INPP5A: variants seen among roughly 807,000 people sequenced by gnomAD.
INPP5A encodes 43 kDa inositol polyphosphate 5-phophatase.
Under a neutral mutation model 65.2 loss-of-function variants are expected in INPP5A, and 14 were observed. That is an observed-to-expected ratio of 0.21 (90% CI 0.14 to 0.34). The LOEUF is 0.34. Among genes scored for constraint, INPP5A ranks in the 10% least tolerant of loss-of-function variants. INPP5A has a pLI of 1.00. For synonymous variants in INPP5A, 207 were observed against 208.3 expected (o/e 0.99, Z 0.05); for missense variants, 431 against 545.6 (o/e 0.79, Z 2.09).
intron 3 of INPP5A, among the ~76,000 whole-genome samples, chr10:132,647,598 G>A (rs1287881649): frequency 6.6e-6 from 1 of 152,216 alleles, no homozygotes; most frequent in Non-Finnish European, 1.5e-5. Flanking sequence ...AGTGGGGCAG[G>A]TGGCATGACG....
Position 132,777,781 on chromosome 10 carries a change from G to T in INPP5A, c.1088G>T (p.Arg363Leu), listed in dbSNP as rs781024908. The T allele has an allele frequency of 6.2e-7, 1 of 1,612,642 alleles. No individual in the cohort carries two copies. Among genetic ancestry groups the T allele is most frequent in the African/African-American group, 1.3e-5 (1 of 74,924 alleles). ...MSPSAKELVL[R>L]SESEEKVVTY... Reference sequence around the variant, plus strand: ...CCGTCTGCCAAGGAGCTGGTGCTGCGGGTGAGTGTGTGCTGCCCCAGCCCT... The same window carrying T: ...CCGTCTGCCAAGGAGCTGGTGCTGCTGGTGAGTGTGTGCTGCCCCAGCCCT... The change falls in exon 13 of 16, where the codon CGG (arginine) becomes CTG (leucine). Residue 363 changes from arginine (R) to leucine (L), a missense_variant and splice_region_variant. Coordinates refer to ENST00000368594, the MANE Select transcript of INPP5A (RefSeq NM_005539.5).
chr10:132,636,996 A>T (rs7905590), intron 2 of INPP5A, among the ~76,000 whole-genome samples: 137,556 of 152,246 alleles, frequency 0.9, 62,211 homozygotes, highest in East Asian at 1. Context: ...CAGCTCACTG[A>T]AACTTCCGCC....
chr10:132,744,847 G>A (rs1264942295), intron 9 of INPP5A, among the ~76,000 whole-genome samples: 2 of 152,194 alleles, frequency 1.3e-5, no homozygotes, highest in African/African-American at 4.8e-5. Context: ...ATCCACTGAG[G>A]AAGGTTAGGA....
chr10:132,631,441 C>T (rs376407809), intron 2 of INPP5A, among the ~76,000 whole-genome samples: 1 of 152,212 alleles, frequency 6.6e-6, no homozygotes, highest in Non-Finnish European at 1.5e-5. Context: ...GTTTTCCAGG[C>T]GTCGTTGGCA....
intron 1 of INPP5A, among the ~76,000 whole-genome samples, chr10:132,579,536 C>T (rs989268029): frequency 3.3e-5 from 5 of 152,170 alleles, no homozygotes; most frequent in Middle Eastern, 3.4e-3. Context: ...ATGAACTGGG[C>T]TGATGCTTGC....
At chr10:132,628,099 A>T (rs372550447) in intron 2 of INPP5A, among the ~76,000 whole-genome samples, 12 of 152,186 alleles carry the variant, frequency 7.9e-5, no homozygotes, top group Middle Eastern at 3.2e-3. Context: ...ATTAACCGCA[A>T]ACCAGATTCT....
In INPP5A at chr10:132,762,820, G is replaced by A. The variant is rs943773203; in HGVS notation, c.904-2953G>A. Among the ~76,000 whole-genome samples, 8 of 152,090 alleles carry A rather than the reference G, an allele frequency of 5.3e-5. No individual in the cohort carries two copies. The East Asian group carries it at 7.7e-4, about 15-fold the overall frequency. ...AGCCAGGGCAATGTGGCAAGACCCC[G>A]TCTCTACAAAAAATAAAGACTTAGC... On this transcript the variant is annotated intron_variant, in intron 11 of 15. Transcript: ENST00000368594. The surrounding 1 kb of genome is among the most constrained non-coding windows in gnomAD (Gnocchi z 4.6).
At chr10:132,647,920 C>A (rs2072520137) in intron 3 of INPP5A, among the ~76,000 whole-genome samples, 1 of 152,162 alleles carries the variant, frequency 6.6e-6, no homozygotes, top group African/African-American at 2.4e-5. Flanking sequence ...TGAGAGATTT[C>A]TTTTAAAATG....
chr10:132,757,422 T>C (rs1846643770), intron 11 of INPP5A, among the ~76,000 whole-genome samples: 1 of 152,256 alleles, frequency 6.6e-6, no homozygotes, highest in Non-Finnish European at 1.5e-5. Context: ...GATGCGCAGG[T>C]ACTTACAGTG....
rs1403038546 is a variant in INPP5A at position 132,698,742 on chromosome 10, C to T, written c.474+823C>T. On this transcript the variant is annotated intron_variant, in intron 6 of 15. Coordinates refer to ENST00000368594, the MANE Select transcript of INPP5A (RefSeq NM_005539.5). The surrounding 1 kb of genome is among the most constrained non-coding windows in gnomAD (Gnocchi z 5.5). ...GGACGCAGGTTTGGGGGCGTCCAGGCTGTGATATAGGAGCTCTCGTCCGGA... is the reference window on the plus strand; with the variant it reads ...GGACGCAGGTTTGGGGGCGTCCAGGTTGTGATATAGGAGCTCTCGTCCGGA... Among the ~76,000 whole-genome samples the T allele has an allele frequency of 1.3e-5, 2 of 152,188 alleles. No individual in the cohort carries two copies. Among genetic ancestry groups the T allele is most frequent in the African/African-American group, 4.8e-5 (2 of 41,450 alleles).
At chr10:132,670,998 A>G (rs1236660761) in intron 4 of INPP5A, among the ~76,000 whole-genome samples, 2 of 151,992 alleles carry the variant, frequency 1.3e-5, no homozygotes, top group Non-Finnish European at 2.9e-5. Context: ...TAACAGGGCC[A>G]TTAGTGGGAG....
intron 1 of INPP5A, among the ~76,000 whole-genome samples, chr10:132,540,985 C>T (rs980463164): frequency 6.6e-6 from 1 of 152,026 alleles, no homozygotes; most frequent in Admixed American, 6.6e-5. Flanking sequence ...AAGGCCCCTC[C>T]TCCTCCCCCT....
At position 132,707,701 on chromosome 10, in the gene INPP5A, C is replaced by G. The variant is rs945139837; in HGVS notation, c.475-612C>G. ...TGGAATCTCATGCTGTTGACTGTTT[C>G]ACTTGAATTTTGGGGGTACTTTTAG... On this transcript the variant is annotated intron_variant, in intron 6 of 15. Coordinates refer to ENST00000368594, the MANE Select transcript of INPP5A (RefSeq NM_005539.5). This position sits in a 1 kb window ranked among gnomAD's most constrained non-coding sequence, Gnocchi z 5.5. Among the ~76,000 whole-genome samples the G allele has an allele frequency of 1.3e-5, 2 of 152,134 alleles. No individual in the cohort carries two copies. The highest frequency in any genetic ancestry group is 2.9e-5 in the Non-Finnish European group (2 of 68,036).
chr10:132,748,050 CA>C (rs1292979844), intron 9 of INPP5A, among the ~76,000 whole-genome samples: 3 of 152,112 alleles, frequency 2.0e-5, no homozygotes, highest in African/African-American at 7.2e-5. Context: ...ACCCTATCTG[CA>C]AAAAAATTTT....
In INPP5A at chr10:132,674,042, G is replaced by C. The variant is rs1204478549; in HGVS notation, c.307-16350G>C. Among the ~76,000 whole-genome samples the C allele has an allele frequency of 2.6e-5, 4 of 152,182 alleles. No individual in the cohort carries two copies. The highest frequency in any genetic ancestry group is 5.9e-5 in the Non-Finnish European group (4 of 68,024). ...ATTGGACAATGACAGGGGTGGCTTG[G>C]GAAAGAGGCTGAATGGTATCCACAG... is the stretch of plus-strand genomic sequence containing the variant. On this transcript the variant is annotated intron_variant, in intron 4 of 15. Coordinates refer to ENST00000368594, the MANE Select transcript of INPP5A (RefSeq NM_005539.5). The surrounding 1 kb of genome is among the most constrained non-coding windows in gnomAD (Gnocchi z 4.4).
At chr10:132,710,112 G>T (rs1473787139) in intron 7 of INPP5A, among the ~76,000 whole-genome samples, 1 of 152,208 alleles carries the variant, frequency 6.6e-6, no homozygotes, top group East Asian at 1.9e-4. Flanking sequence ...CTTTTTAGTT[G>T]CCCAGAGTAA....
Position 132,547,932 on chromosome 10 carries a change from C to T in INPP5A, c.75+9761C>T, listed in dbSNP as rs1461344233. On this transcript the variant is annotated intron_variant, in intron 1 of 15. Coordinates refer to ENST00000368594, the MANE Select transcript of INPP5A (RefSeq NM_005539.5). The surrounding 1 kb of genome is among the most constrained non-coding windows in gnomAD (Gnocchi z 5.5). ...AATTTTTTTTTTTTTAAGATGGACA[C>T]TCCATCACCCAGGCTGGAGTACAAT... 6.6e-6 allele frequency among the ~76,000 whole-genome samples: 1 copy of T among 151,404 alleles called. No homozygotes were observed. The highest frequency in any genetic ancestry group is 1.5e-5 in the Non-Finnish European group (1 of 67,866).
chr10:132,771,015 G>A (rs546137567), intron 12 of INPP5A, among the ~76,000 whole-genome samples: 4 of 152,220 alleles, frequency 2.6e-5, no homozygotes, highest in South Asian at 2.1e-4. Context: ...AATAGCATCC[G>A]CTGCTGCTGG....
intron 8 of INPP5A, among the ~76,000 whole-genome samples, chr10:132,713,045 G>C (rs559453288): frequency 6.6e-6 from 1 of 151,286 alleles, no homozygotes; most frequent in Non-Finnish European, 1.5e-5. Flanking sequence ...CGTGTGTGTG[G>C]GTGTGTGTGC....
Sources: allele counts gnomAD v4.1 joint callset (sites outside exome capture counted in the v4.1 genomes callset), GRCh38; gene constraint gnomAD v4.1.1; non-coding constraint Gnocchi (gnomAD v3.1); transcripts MANE v1.5; gene names NCBI Gene and HGNC (gene_info 2026-07-23, HGNC 2026-07-21).